Variants in CNIH4 observed in about 807,000 individuals in gnomAD.
The protein encoded by CNIH4 is protein cornichon homolog 4.
In CNIH4, 9 loss-of-function variants were observed where a neutral mutation model predicts 21.5. That is an observed-to-expected ratio of 0.42 (90% confidence interval 0.25 to 0.73). The LOEUF (loss-of-function observed/expected upper bound fraction) is 0.73. Ranked by LOEUF, CNIH4 falls within the 30% of genes least tolerant of loss-of-function variation. The probability of loss-of-function intolerance (pLI) is 0.27; values close to 1 mark genes in which losing one functional copy is unlikely to be tolerated. For synonymous variants in CNIH4, 67 were observed against 59.1 expected, an observed-to-expected ratio of 1.13 and a Z score of -0.61; for missense variants, 159 against 170.0, an observed-to-expected ratio of 0.94 and a Z score of 0.36.
rs1330952653 is a variant in CNIH4 at position 224,378,437 on chromosome 1, G to A, written c.*2615G>A. 1 of 152,386 alleles carries A rather than the reference G, an allele frequency of 6.6e-6. No individual in the cohort carries two copies. The highest frequency in any genetic ancestry group is 1.9e-4 in the East Asian group (1 of 5,202). The allele number at this position is 152,386 out of a possible 1,614,324, so 9.4% of individuals were successfully genotyped here. A position where few individuals can be genotyped will look rare whatever the true frequency, so the allele number is the denominator to read the frequency against. Reference sequence around the variant, plus strand: ...AAGCCATGTTTAAGATGCTATAAATGTTCTCCCCTTTTCATTGATTGGAGA... The same window carrying A: ...AAGCCATGTTTAAGATGCTATAAATATTCTCCCCTTTTCATTGATTGGAGA... On this transcript the variant is annotated 3_prime_UTR_variant, in exon 5 of 5. Coordinates refer to ENST00000465271, the MANE Select transcript of CNIH4 (RefSeq NM_014184.4).
chr1:224,360,604 G>A (rs940775256), intron 2 of CNIH4, 41 bp downstream of exon 2: 3 of 1,065,274 alleles, frequency 2.8e-6, no homozygotes, highest in Non-Finnish European at 4.0e-6. Flanking sequence ...TTGAAGCCAG[G>A]TCATTTTCCA....
At chr1:224,356,856 G>A, upstream of CNIH4, 2 of 1,336,582 alleles carry the variant, frequency 1.5e-6, no homozygotes, top group Non-Finnish European at 1.1e-6. Context: ...CCCGGCAAGG[G>A]CCTATCAGGG....
chr1:224,373,640 C>A (rs550810503), intron 4 of CNIH4, among the ~76,000 whole-genome samples: 11 of 151,664 alleles, frequency 7.3e-5, no homozygotes, highest in Admixed American at 6.6e-4. Context: ...CCAGCCTGGC[C>A]CAAATGGTGA....
intron 3 of CNIH4, among the ~76,000 whole-genome samples, chr1:224,366,635 C>A (rs550953087): frequency 6.6e-6 from 1 of 151,964 alleles, no homozygotes; most frequent in African/African-American, 2.4e-5. Flanking sequence ...AGGTGTGAGC[C>A]ACAGCGCCGG....
At chr1:224,357,029 G>A in intron 1 of CNIH4, 36 bp downstream of exon 1, 1 of 1,590,834 alleles carries the variant, frequency 6.3e-7, no homozygotes, top group African/African-American at 1.3e-5. Context: ...GCCTTGCCGG[G>A]GGACACGGCT....
intron 4 of CNIH4, among the ~76,000 whole-genome samples, chr1:224,372,742 C>T (rs1261786455): frequency 1.3e-5 from 2 of 151,496 alleles, no homozygotes; most frequent in Non-Finnish European, 2.9e-5. Flanking sequence ...GCCACCACGC[C>T]TGGCTAATTT....
At chr1:224,369,047 A>G (rs527972327) in intron 3 of CNIH4, among the ~76,000 whole-genome samples, 1 of 151,880 alleles carries the variant, frequency 6.6e-6, no homozygotes, top group East Asian at 1.9e-4. Context: ...CATCCCACTC[A>G]TGGTCTTTGG....
intron 4 of CNIH4, among the ~76,000 whole-genome samples, chr1:224,374,409 GTTTC>G (rs1672720732): frequency 7.3e-6 from 1 of 137,018 alleles, no homozygotes; most frequent in South Asian, 2.4e-4. Flanking sequence ...GGCAAGTTTC[GTTTC>G]TTTTTTTTTT....
intron 1 of CNIH4, chr1:224,357,700 T>G (rs1446547163): frequency 6.6e-6 from 1 of 152,246 alleles, no homozygotes; most frequent in Non-Finnish European, 1.5e-5. Flanking sequence ...GTAAATTCAA[T>G]AACTACATCT....
rs754692240 is a variant in CNIH4 at position 224,360,583 on chromosome 1, A to T, written c.138+20A>T. 2 of 1,319,604 alleles carry T rather than the reference A, an allele frequency of 1.5e-6. No individual in the cohort carries two copies. The highest frequency in any genetic ancestry group is 5.4e-5 in the Admixed American group (2 of 37,178). The allele number at this position is 1,319,604 out of a possible 1,614,324, so 81.7% of individuals were successfully genotyped here. On this transcript the variant is annotated intron_variant, in intron 2 of 4. Coordinates refer to ENST00000465271, the MANE Select transcript of CNIH4 (RefSeq NM_014184.4). ...AACAAGGTAAGACATTTCTTTGCTC[A>T]TTCTCTGGCATTGAAGCCAGGTCAT... is the stretch of plus-strand genomic sequence containing the variant.
At position 224,356,946 on chromosome 1, in the gene CNIH4, T is replaced by A; in HGVS notation, c.22T>A (p.Phe8Ile). The A allele has an allele frequency of 6.2e-7, 1 of 1,611,962 alleles. No homozygotes were observed. The highest frequency in any genetic ancestry group is 1.1e-5 in the South Asian group (1 of 90,486). The change falls in exon 1 of 5, where the codon TTC becomes ATC. Residue 8 changes from phenylalanine (F) to isoleucine (I), a missense_variant. Transcript: ENST00000465271. ...GAGGATGGAGGCGGTGGTGTTCGTC[T>A]TCTCTCTCCTCGATTGTTGCGCGCT... MEAVVFVFSLLDCCALIF... is the reference protein window; with the variant it reads MEAVVFVISLLDCCALIF...
chr1:224,376,285 A>T lies in CNIH4; in HGVS notation c.*463A>T. The stretch of plus-strand genomic sequence containing the variant: ...GCTTGTGTTGTGACAACTTCATTTA[A>T]TATGGTTTAAAGATTTATGAGACTG... On this transcript the variant is annotated 3_prime_UTR_variant, in exon 5 of 5. Transcript: ENST00000465271. The T allele has an allele frequency of 1.0e-6, 1 of 986,060 alleles. No homozygotes were observed. Among genetic ancestry groups the T allele is most frequent in the Non-Finnish European group, 1.2e-6 (1 of 830,366 alleles). 61.1% of individuals were successfully genotyped at this position (986,060 alleles called of 1,614,324 possible).
intron 2 of CNIH4, among the ~76,000 whole-genome samples, chr1:224,360,814 G>A (rs1182361852): frequency 2.0e-5 from 3 of 152,158 alleles, no homozygotes; most frequent in Non-Finnish European, 2.9e-5. Context: ...TTTACTCAGA[G>A]TAGGGAAATG....
rs535569423 is a variant in CNIH4, at chr1:224,372,471, A to G, written c.392+1048A>G. Among the ~76,000 whole-genome samples, 17 of 152,360 alleles carry G rather than the reference A, an allele frequency of 1.1e-4. No homozygotes were observed. In the South Asian group the frequency reaches 3.3e-3, roughly 30 times the overall value. ...TCCTAGGTAGAGTTTAATTTTTCAC[A>G]TAGGCATAAGGACTATTAGGAAAAA... On this transcript the variant is annotated intron_variant, in intron 4 of 4. Transcript: ENST00000465271.
intron 2 of CNIH4, among the ~76,000 whole-genome samples, chr1:224,365,650 G>C (rs890823613): frequency 1.3e-5 from 2 of 152,160 alleles, no homozygotes; most frequent in Non-Finnish European, 2.9e-5. Flanking sequence ...CTTTGCTTAG[G>C]ATAAAAAGTA....
chr1:224,374,563 C>T (rs181973162), intron 4 of CNIH4, among the ~76,000 whole-genome samples: 7 of 152,128 alleles, frequency 4.6e-5, no homozygotes, highest in Middle Eastern at 3.4e-3. Flanking sequence ...TATAGGCGCA[C>T]GCCACCATGC....
Position 224,378,140 on chromosome 1 carries a change from G to A in CNIH4, c.*2318G>A, listed in dbSNP as rs1041550880. ...CGCAATCGTGGTACACTGCAGCCTTGAACTCCTGGACTCAAGCAGTCCTCC... is the reference window on the plus strand; with the variant it reads ...CGCAATCGTGGTACACTGCAGCCTTAAACTCCTGGACTCAAGCAGTCCTCC... On this transcript the variant is annotated 3_prime_UTR_variant, in exon 5 of 5. Coordinates refer to ENST00000465271, the MANE Select transcript of CNIH4 (RefSeq NM_014184.4). 2.0e-5 allele frequency: 3 copies of A among 151,950 alleles called. No homozygotes were observed. Among genetic ancestry groups the A allele is most frequent in the African/African-American group, 7.3e-5 (3 of 41,304 alleles). 9.4% of individuals were successfully genotyped at this position (151,950 alleles called of 1,614,324 possible). A position where few individuals can be genotyped will look rare whatever the true frequency, so the allele number is the denominator to read the frequency against.
In CNIH4 at chr1:224,379,139, A is replaced by C; in HGVS notation, c.*3317A>C. ...GAAGAGGAAGCGAAATCCAAGATGC[A>C]GCTCAGTTCATCAAAGCCTAGCAGG... On this transcript the variant is annotated 3_prime_UTR_variant, in exon 5 of 5. Coordinates refer to ENST00000465271, the MANE Select transcript of CNIH4 (RefSeq NM_014184.4). The C allele has an allele frequency of 6.5e-7, 1 of 1,546,926 alleles. No individual in the cohort carries two copies. Among genetic ancestry groups the C allele is most frequent in the Non-Finnish European group, 8.7e-7 (1 of 1,143,624 alleles).
chr1:224,370,617 T>C (rs1169465589), intron 3 of CNIH4, among the ~76,000 whole-genome samples: 2 of 152,130 alleles, frequency 1.3e-5, no homozygotes, highest in African/African-American at 4.8e-5. Flanking sequence ...ATAAAATTGG[T>C]TTGGGTTTGA....
Sources: gnomAD v4.1 joint callset for allele counts (sites outside exome capture counted in the v4.1 genomes callset) on GRCh38, gnomAD v4.1.1 for gene constraint, MANE v1.5 for transcripts, NCBI Gene and HGNC (gene_info 2026-07-23, HGNC 2026-07-21) for gene names.